The following CPAP variants were observed in gnomAD, a reference collection of about 807,000 sequenced individuals.
CPAP encodes centrosome assembly and centriole elongation protein, also known as centrosomal P4.1-associated protein.
chr13:24,902,957 G>C, the CPAP span, among the ~76,000 whole-genome samples: 1 of 152,102 alleles, frequency 6.6e-6, no homozygotes, highest in African/African-American at 2.4e-5. Flanking sequence ...GTGTGTATGT[G>C]ACATATAATA....
chr13:24,928,277 C>A, the CPAP span, among the ~76,000 whole-genome samples: 2 of 152,286 alleles, frequency 1.3e-5, no homozygotes, highest in South Asian at 2.1e-4. Flanking sequence ...CCCAGGTGAT[C>A]CGGGCTAGAA....
At chr13:24,906,513 G>C in the CPAP span, 1 of 1,614,158 alleles carries the variant, frequency 6.2e-7, no homozygotes, top group Non-Finnish European at 8.5e-7. Context: ...GTATCGCAAG[G>C]TTTTGGACAC....
At chr13:24,889,501 TTTTG>T in the CPAP span, 4 of 819,788 alleles carry the variant, frequency 4.9e-6, no homozygotes, top group East Asian at 2.5e-5. Context: ...ATGCTGTGGG[TTTTG>T]TTTATTCATA....
At chr13:24,909,208 C>G in the CPAP span, among the ~76,000 whole-genome samples, 2 of 152,062 alleles carry the variant, frequency 1.3e-5, no homozygotes, top group South Asian at 4.1e-4. Flanking sequence ...GCTTTCCACA[C>G]CGATGAATTA....
chr13:24,887,155 A>G, the CPAP span, among the ~76,000 whole-genome samples: 1 of 152,238 alleles, frequency 6.6e-6, no homozygotes, highest in Non-Finnish European at 1.5e-5. Context: ...CCAAAGGGAA[A>G]AACTGAAATT....
chr13:24,887,162 A>T, the CPAP span, among the ~76,000 whole-genome samples: 1 of 152,242 alleles, frequency 6.6e-6, no homozygotes, highest in Admixed American at 6.5e-5. Flanking sequence ...GAAAAACTGA[A>T]ATTGAACTAC....
chr13:24,905,663 T>C, the CPAP span: 4 of 1,614,210 alleles, frequency 2.5e-6, no homozygotes, highest in South Asian at 4.4e-5. Flanking sequence ...ATCATCAAAG[T>C]CCATTTTACT....
At chr13:24,906,028 C>T in the CPAP span, 4 of 1,614,024 alleles carry the variant, frequency 2.5e-6, no homozygotes, top group African/African-American at 5.3e-5. Flanking sequence ...TTTTACAAGG[C>T]TGTTCCCTCA....
At chr13:24,920,782 G>A in the CPAP span, among the ~76,000 whole-genome samples, 1 of 103,580 alleles carries the variant, frequency 9.7e-6, no homozygotes, top group South Asian at 3.5e-4. Context: ...CACCATACCT[G>A]GCTTTTTTTT....
chr13:24,906,150 G>T, the CPAP span: 6 of 1,613,746 alleles, frequency 3.7e-6, no homozygotes, highest in South Asian at 5.5e-5. Context: ...TGACTAATGG[G>T]ATCTGCCGGA....
chr13:24,925,664 ATCAG>A, the CPAP span, among the ~76,000 whole-genome samples: 1 of 152,282 alleles, frequency 6.6e-6, no homozygotes, highest in Non-Finnish European at 1.5e-5. Context: ...ATTCCTATAG[ATCAG>A]TCAGAGTGGT....
the CPAP span, among the ~76,000 whole-genome samples, chr13:24,901,223 T>A: frequency 6.6e-6 from 1 of 152,168 alleles, no homozygotes; most frequent in Non-Finnish European, 1.5e-5. Context: ...GGGGGAGGAA[T>A]ACTTGTGGCA....
chr13:24,933,907 TAG>T, the CPAP span, among the ~76,000 whole-genome samples: 1 of 146,358 alleles, frequency 6.8e-6, no homozygotes, highest in Non-Finnish European at 1.5e-5. Flanking sequence ...GTACTTTTAG[TAG>T]AGACAGGATT....
the CPAP span, among the ~76,000 whole-genome samples, chr13:24,929,589 A>G: frequency 6.6e-6 from 1 of 152,308 alleles, no homozygotes; most frequent in African/African-American, 2.4e-5. Context: ...ATATAATGCT[A>G]TTGTGAACTC....
chr13:24,907,965 GGCTA>G, the CPAP span: 1 of 1,225,050 alleles, frequency 8.2e-7, no homozygotes, highest in South Asian at 1.2e-5. Flanking sequence ...CAATAATAAA[GGCTA>G]GCTATTGTAC....
chr13:24,912,392 C>G, the CPAP span, among the ~76,000 whole-genome samples: 1 of 152,176 alleles, frequency 6.6e-6, no homozygotes, highest in Non-Finnish European at 1.5e-5. Flanking sequence ...AATGAGGTAA[C>G]AACTTAAAGT....
At chr13:24,909,930 C>T in the CPAP span, 3 of 1,613,982 alleles carry the variant, frequency 1.9e-6, no homozygotes, top group African/African-American at 4.0e-5. Context: ...ACAGAAGTTG[C>T]TTTGCTCATG....
the CPAP span, among the ~76,000 whole-genome samples, chr13:24,896,246 T>C: frequency 2.0e-5 from 3 of 152,244 alleles, no homozygotes; most frequent in East Asian, 5.8e-4. Flanking sequence ...CCAGAAGTCA[T>C]ATAAACGAAC....
the CPAP span, among the ~76,000 whole-genome samples, chr13:24,932,793 A>G: frequency 6.6e-6 from 1 of 152,238 alleles, no homozygotes; most frequent in African/African-American, 2.4e-5. Flanking sequence ...TGGGTGTTGT[A>G]ATATCAGCCA....
Sources: gnomAD v4.1 joint callset for allele counts (sites outside exome capture counted in the v4.1 genomes callset) on GRCh38, gnomAD v4.1.1 for gene constraint, MANE v1.5 for transcripts, NCBI Gene and HGNC (gene_info 2026-07-23, HGNC 2026-07-21) for gene names.